Variants in CACNA2D1 observed in about 807,000 individuals in gnomAD.
CACNA2D1 encodes calcium voltage-gated channel auxiliary subunit alpha2delta 1.
Under a neutral mutation model 171.5 loss-of-function variants are expected in CACNA2D1, and 53 were observed. That is an observed-to-expected ratio of 0.31 (90% CI 0.25 to 0.39). The LOEUF is 0.39. Ranked by LOEUF, CACNA2D1 falls within the 10% of genes least tolerant of loss-of-function variation. The pLI is 1.00. For missense variants in CACNA2D1, 903 were observed against 1,299.8 expected (o/e 0.69, Z 4.69); for synonymous variants, 442 against 443.1 (o/e 1.00, Z 0.03).
intron 1 of CACNA2D1, among the ~76,000 whole-genome samples, chr7:82,437,431 T>C (rs995150829): frequency 6.6e-6 from 1 of 152,088 alleles, no homozygotes; most frequent in Non-Finnish European, 1.5e-5. Context: ...CTGCCACCAG[T>C]TCAAGTTTTT....
At chr7:82,055,054 T>C (rs1805646628) in intron 10 of CACNA2D1, among the ~76,000 whole-genome samples, 2 of 152,176 alleles carry the variant, frequency 1.3e-5, no homozygotes, top group South Asian at 2.1e-4. Flanking sequence ...GGTCAGCATG[T>C]GCTAGAAATT....
intron 1 of CACNA2D1, among the ~76,000 whole-genome samples, chr7:82,381,117 C>T (rs890041844): frequency 1.3e-5 from 2 of 151,940 alleles, no homozygotes; most frequent in Admixed American, 6.5e-5. Context: ...TCGAGACCAT[C>T]CTGCTTAACA....
chr7:81,956,502 TTAA>T (rs929701573), intron 38 of CACNA2D1, among the ~76,000 whole-genome samples: 26 of 152,272 alleles, frequency 1.7e-4, no homozygotes, highest in Middle Eastern at 6.8e-3. Flanking sequence ...CTTTCAGGAA[TTAA>T]TAATAATTCA....
intron 1 of CACNA2D1, among the ~76,000 whole-genome samples, chr7:82,422,186 A>G (rs1234711274): frequency 3.9e-5 from 6 of 152,164 alleles, no homozygotes; most frequent in Non-Finnish European, 8.8e-5. Context: ...AAAATGTAAT[A>G]ATAATTAATA....
At chr7:82,114,471 G>A (rs779662005) in intron 6 of CACNA2D1, among the ~76,000 whole-genome samples, 3 of 152,190 alleles carry the variant, frequency 2.0e-5, no homozygotes, top group South Asian at 2.1e-4. Flanking sequence ...GAGGGCCGGC[G>A]TGGGGGCTCA....
At chr7:82,200,314 T>C (rs1799280164) in intron 3 of CACNA2D1, among the ~76,000 whole-genome samples, 2 of 152,088 alleles carry the variant, frequency 1.3e-5, no homozygotes, top group Non-Finnish European at 2.9e-5. Context: ...TACATATTTA[T>C]AAAATGTATA....
intron 1 of CACNA2D1, among the ~76,000 whole-genome samples, chr7:82,386,968 C>T (rs1331697392): frequency 1.3e-5 from 2 of 151,812 alleles, no homozygotes; most frequent in Non-Finnish European, 2.9e-5. Context: ...AAGATTAGCA[C>T]CCTCTACACA....
rs578161345 is a variant in CACNA2D1 at position 82,120,060 on chromosome 7, AT to A, written c.397-2888del. On this transcript the variant is annotated intron_variant, in intron 5 of 38. Coordinates refer to ENST00000356860, the MANE Select transcript of CACNA2D1 (RefSeq NM_000722.4). ...GAGCCTGGCATCGTGGTATGTTCCTATTATTTCCAGCTATTCAGGAGGCTGA... is the reference window on the plus strand; with the variant it reads ...GAGCCTGGCATCGTGGTATGTTCCTATATTTCCAGCTATTCAGGAGGCTGA... Among the ~76,000 whole-genome samples, 505 of 152,196 alleles carry A rather than the reference AT, an allele frequency of 3.3e-3. 6 individuals are homozygous for A. The highest frequency in any genetic ancestry group is 0.028 in the South Asian group (137 of 4,828).
intron 2 of CACNA2D1, among the ~76,000 whole-genome samples, chr7:82,348,239 T>C (rs1288646164): frequency 6.6e-6 from 1 of 152,156 alleles, no homozygotes; most frequent in Non-Finnish European, 1.5e-5. Context: ...TTCCATAAAC[T>C]CCATGACTTT....
intron 3 of CACNA2D1, among the ~76,000 whole-genome samples, chr7:82,325,039 T>C (rs761957492): frequency 2.0e-5 from 3 of 152,192 alleles, no homozygotes; most frequent in African/African-American, 4.8e-5. Context: ...GCAGAAAACA[T>C]GCACATCTCC....
At chr7:82,115,797 AAACTTT>A (rs1788977837) in intron 6 of CACNA2D1, among the ~76,000 whole-genome samples, 2 of 152,088 alleles carry the variant, frequency 1.3e-5, no homozygotes, top group African/African-American at 4.8e-5. Flanking sequence ...GAGTCTAAAT[AAACTTT>A]AACTGTAAAT....
chr7:82,222,782 T>C (rs79750093), intron 3 of CACNA2D1, among the ~76,000 whole-genome samples: 5,644 of 152,196 alleles, frequency 0.037, 150 homozygotes, highest in Non-Finnish European at 0.055. Flanking sequence ...ACCTACCACA[T>C]ACTAGGTACT....
chr7:82,004,921 A>C (rs1053240004), intron 18 of CACNA2D1, among the ~76,000 whole-genome samples: 1 of 152,180 alleles, frequency 6.6e-6, no homozygotes, highest in East Asian at 1.9e-4. Context: ...CCATTTCTGA[A>C]GCCCATCACA....
At chr7:82,353,202 A>G (rs1820050077) in intron 1 of CACNA2D1, among the ~76,000 whole-genome samples, 1 of 152,124 alleles carries the variant, frequency 6.6e-6, no homozygotes. Context: ...AGGGGAGGCC[A>G]AGTACAAGGA....
intron 6 of CACNA2D1, among the ~76,000 whole-genome samples, chr7:82,099,511 G>A (rs1812399802): frequency 2.1e-5 from 1 of 48,704 alleles, no homozygotes; most frequent in Non-Finnish European, 4.5e-5. Flanking sequence ...GTGCAGCGGC[G>A]GGATCTCGGC....
intron 3 of CACNA2D1, among the ~76,000 whole-genome samples, chr7:82,290,630 C>T (rs1284949020): frequency 6.7e-6 from 1 of 148,596 alleles, no homozygotes; most frequent in East Asian, 2.0e-4. Flanking sequence ...GAATTTCGCT[C>T]TTGTTGCCCC....
At chr7:82,067,185 T>C (rs904980881) in intron 7 of CACNA2D1, among the ~76,000 whole-genome samples, 3 of 152,222 alleles carry the variant, frequency 2.0e-5, no homozygotes, top group Admixed American at 2.0e-4. Context: ...AATTTAAATC[T>C]ATTCTAATTA....
At chr7:82,401,252 T>C (rs201673983) in intron 1 of CACNA2D1, among the ~76,000 whole-genome samples, 15 of 152,172 alleles carry the variant, frequency 9.9e-5, no homozygotes, top group South Asian at 2.1e-4. Context: ...AAGACACATG[T>C]ACACGTATGT....
At chr7:82,435,795 A>C (rs2129459365) in intron 1 of CACNA2D1, among the ~76,000 whole-genome samples, 1 of 152,184 alleles carries the variant, frequency 6.6e-6, no homozygotes, top group Non-Finnish European at 1.5e-5. Flanking sequence ...AGAAGACCAA[A>C]TTTGTGTTGG....
Sources: allele counts gnomAD v4.1 joint callset (sites outside exome capture counted in the v4.1 genomes callset), GRCh38; gene constraint gnomAD v4.1.1; transcripts MANE v1.5; gene names NCBI Gene and HGNC (gene_info 2026-07-23, HGNC 2026-07-21).